Variants in CCDC77 observed in about 807,000 individuals in gnomAD.
CCDC77 encodes coiled-coil domain containing 77.
Under a neutral mutation model 66.8 loss-of-function variants are expected in CCDC77, and 56 were observed. The ratio of observed to expected loss-of-function variants is 0.84; its 90% CI spans 0.68 to 1.05. The LOEUF (loss-of-function observed/expected upper bound fraction) is 1.05, where lower values mean the gene tolerates loss of function less well. Ranked by LOEUF, CCDC77 falls within the 50% of genes least tolerant of loss-of-function variation. The pLI, the probability that CCDC77 is intolerant of heterozygous loss-of-function variation, is 0.00. For synonymous variants in CCDC77, 196 were observed against 195.2 expected, an observed-to-expected ratio of 1.00 and a Z score of -0.03; for missense variants, 570 against 576.8, an observed-to-expected ratio of 0.99 and a Z score of 0.12.
intron 5 of CCDC77, among the ~76,000 whole-genome samples, chr12:423,453 T>G: frequency 6.9e-6 from 1 of 144,070 alleles, no homozygotes; most frequent in Admixed American, 7.0e-5. Flanking sequence ...ACTTGTTATT[T>G]TCTGGGTGTT....
intron 1 of CCDC77, among the ~76,000 whole-genome samples, chr12:403,309 T>C (rs1239314963): frequency 1.3e-5 from 2 of 152,100 alleles, no homozygotes; most frequent in Non-Finnish European, 2.9e-5. Flanking sequence ...ATTTACTGAG[T>C]GCTTATATAT....
intron 5 of CCDC77, among the ~76,000 whole-genome samples, chr12:423,268 C>T (rs1179106041): frequency 6.9e-6 from 1 of 145,874 alleles, no homozygotes; most frequent in Non-Finnish European, 1.5e-5. Context: ...TGACTACATG[C>T]ATGTGCTGCC....
upstream of CCDC77, among the ~76,000 whole-genome samples, chr12:397,427 G>A (rs373501516): frequency 1.3e-5 from 2 of 152,104 alleles, no homozygotes; most frequent in Non-Finnish European, 2.9e-5. Context: ...AAAATCACAA[G>A]GGAGAAAAAA....
intron 4 of CCDC77, among the ~76,000 whole-genome samples, chr12:416,643 G>A (rs984041306): frequency 2.3e-4 from 34 of 150,682 alleles, no homozygotes. Context: ...TGAACTCGTG[G>A]CCTCAAGTGA....
chr12:408,679 T>G (rs1369309173), intron 2 of CCDC77, among the ~76,000 whole-genome samples: 1 of 152,266 alleles, frequency 6.6e-6, no homozygotes, highest in East Asian at 1.9e-4. Context: ...ATGTACTGTT[T>G]CTTGCTTATT....
At chr12:407,280 G>C (rs910747070) in intron 2 of CCDC77, among the ~76,000 whole-genome samples, 1 of 152,232 alleles carries the variant, frequency 6.6e-6, no homozygotes, top group Non-Finnish European at 1.5e-5. Context: ...AAGACAAAGA[G>C]AGGAGTAAAA....
chr12:410,516 C>T (rs918910647), intron 3 of CCDC77, among the ~76,000 whole-genome samples: 5 of 151,032 alleles, frequency 3.3e-5, no homozygotes, highest in African/African-American at 1.2e-4. Flanking sequence ...AATCTGCCCA[C>T]CTTGGCCTCC....
chr12:441,741 ATTTCT>A (rs1945860695), intron 12 of CCDC77, 28 bp from the exon 13 acceptor site: 1 of 1,517,422 alleles, frequency 6.6e-7, no homozygotes, highest in Non-Finnish European at 8.9e-7. Flanking sequence ...TGCCATCATC[ATTTCT>A]TTTTTTTTTT....
intron 11 of CCDC77, 38 bp from the exon 12 acceptor site, chr12:440,806 C>G (rs1945844085): frequency 6.2e-7 from 1 of 1,613,064 alleles, no homozygotes; most frequent in East Asian, 2.2e-5. Context: ...AGACGCTTCC[C>G]TCACCTTCGT....
intron 9 of CCDC77, 74 bp from the exon 10 acceptor site, chr12:438,261 A>G (rs1308147995): frequency 5.8e-6 from 6 of 1,037,338 alleles, no homozygotes; most frequent in Non-Finnish European, 8.6e-6. Flanking sequence ...ACTCTCTTCC[A>G]TTTTGGAATA....
intron 5 of CCDC77, among the ~76,000 whole-genome samples, chr12:424,498 A>T (rs551027376): frequency 2.0e-5 from 3 of 146,372 alleles, no homozygotes; most frequent in Non-Finnish European, 4.5e-5. Flanking sequence ...TCTTTTTTTC[A>T]TTTTTTTGTA....
rs59414510 is a variant in CCDC77, at chr12:428,510, C to CAAAAAAAAA, written c.414-241_414-233dup. On this transcript the variant is annotated intron_variant, in intron 5 of 12. Transcript: ENST00000239830. Reference sequence around the variant, plus strand: ...TGGACAACAGAGCGAGACTCTGTCTCAAAAAAAAAAAAAAAAAAAAAAAAA... The same window carrying CAAAAAAAAA: ...TGGACAACAGAGCGAGACTCTGTCTCAAAAAAAAAAAAAAAAAAAAAAAAAAAAAAAAAA... Among the ~76,000 whole-genome samples the CAAAAAAAAA allele has an allele frequency of 1.7e-3, 100 of 57,882 alleles. 6 individuals are homozygous for CAAAAAAAAA. Among genetic ancestry groups the CAAAAAAAAA allele is most frequent in the East Asian group, 0.014 (24 of 1,662 alleles). 38.0% of individuals were successfully genotyped at this position (57,882 alleles called of 152,430 possible).
intron 1 of CCDC77, among the ~76,000 whole-genome samples, chr12:391,038 A>T (rs1944745884): frequency 6.6e-6 from 1 of 152,242 alleles, no homozygotes; most frequent in African/African-American, 2.4e-5. Flanking sequence ...AAGTCATAAG[A>T]CCATCCCAGA....
intron 1 of CCDC77, chr12:390,143 AAT>A (rs1944729096): frequency 1.3e-5 from 2 of 151,838 alleles, no homozygotes; most frequent in African/African-American, 2.4e-5. Flanking sequence ...AAAAAAAAAA[AAT>A]CAAGAAATAA....
At chr12:430,028 T>G (rs1945621281) in intron 6 of CCDC77, among the ~76,000 whole-genome samples, 1 of 152,182 alleles carries the variant, frequency 6.6e-6, no homozygotes. Flanking sequence ...AGTTTCGCTC[T>G]TGTACACCAG....
chr12:395,857 G>C (rs1565560106), intron 1 of CCDC77, among the ~76,000 whole-genome samples: 1 of 152,044 alleles, frequency 6.6e-6, no homozygotes, highest in Non-Finnish European at 1.5e-5. Context: ...TCACACTACT[G>C]CACTCCAGCC....
chr12:423,114 CTTTTTTT>C (rs139334337), intron 5 of CCDC77, among the ~76,000 whole-genome samples: 109 of 74,568 alleles, frequency 1.5e-3, no homozygotes, highest in Admixed American at 2.6e-3. Flanking sequence ...TCTTTTAAGC[CTTTTTTT>C]TTTTTTTTTT....
Position 441,875 on chromosome 12 carries a change from T to G in CCDC77, c.1422T>G (p.Leu474=), listed in dbSNP as rs934307450. 1 of 1,613,972 alleles carries G rather than the reference T, an allele frequency of 6.2e-7. No individual in the cohort carries two copies. Among genetic ancestry groups the G allele is most frequent in the Non-Finnish European group, 8.5e-7 (1 of 1,180,026 alleles). ...AHKIQGELKN[L]KSKVFGLENE... ...AGATACAAGGAGAACTGAAGAATCT[T>G]AAGTCGAAAGTGTTTGGTCTGGAGA... The change falls in exon 13 of 13, where the codon CTT becomes CTG. Residue 474 remains leucine, a synonymous_variant. Coordinates refer to ENST00000239830, the MANE Select transcript of CCDC77 (RefSeq NM_032358.4).
Position 438,571 on chromosome 12 carries a change from G to A in CCDC77, c.1041+17G>A, listed in dbSNP as rs113477999. ...TATATTAAGGTAATGTCCTTATGTC[G>A]TAACGAAGTTGTTTATTTTTCTGGG... On this transcript the variant is annotated intron_variant, in intron 10 of 12. Coordinates refer to ENST00000239830, the MANE Select transcript of CCDC77 (RefSeq NM_032358.4). 5.1e-6 allele frequency: 8 copies of A among 1,558,466 alleles called. No homozygotes were observed. In the African/African-American group the frequency reaches 5.5e-5, roughly 11 times the overall value.
Sources: gnomAD v4.1 joint callset for allele counts (sites outside exome capture counted in the v4.1 genomes callset) on GRCh38, gnomAD v4.1.1 for gene constraint, MANE v1.5 for transcripts, NCBI Gene and HGNC (gene_info 2026-07-23, HGNC 2026-07-21) for gene names.